Variants in UGT8 observed in about 807,000 individuals in gnomAD.
UGT8 encodes UDP glycosyltransferase 8, also known as 2-hydroxyacylsphingosine 1-beta-galactosyltransferase.
UGT8 carries 12 observed loss-of-function variants against 40.5 expected under a neutral mutation model. That is an observed-to-expected ratio of 0.30 (90% CI 0.19 to 0.48). UGT8 has a LOEUF of 0.48. Among genes scored for constraint, UGT8 ranks in the 20% least tolerant of loss-of-function variants. UGT8 has a pLI of 0.99. For synonymous variants in UGT8, 224 were observed against 240.4 expected (o/e 0.93, Z 0.63); for missense variants, 513 against 648.7 (o/e 0.79, Z 2.27).
intron 2 of UGT8, among the ~76,000 whole-genome samples, chr4:114,651,169 C>T (rs7679454): frequency 0.88 from 133,643 of 152,102 alleles, 60,484 homozygotes; most frequent in East Asian, 1. Context: ...TAGCTGTTAA[C>T]TTAGCGGGGA....
In UGT8 at chr4:114,623,376, G is replaced by A. The variant is rs773266808; in HGVS notation, c.496G>A (p.Ala166Thr). Residue 166 changes from alanine to threonine, a missense_variant, in exon 2 of 6, where the codon GCT becomes ACT. Ala to Thr is a moderately conservative substitution (Grantham distance 58). This residue lies in a region of UGT8 where 335 missense variants were observed against 444.8 expected (regional missense o/e 0.75). Transcript: ENST00000310836. ...ATTTTCAACTGGCCTTTGGTATCCT[G>A]CTGAAGTGGGTGCTCCTGCTCCATT... ...AVFSTGLWYPAEVGAPAPLAY... is the reference protein window; with the variant it reads ...AVFSTGLWYPTEVGAPAPLAY... 2.5e-6 allele frequency: 4 copies of A among 1,614,168 alleles called. No homozygotes were observed. The highest frequency in any genetic ancestry group is 2.5e-6 in the Non-Finnish European group (3 of 1,180,002).
chr4:114,663,719 T>C (rs1734689028), intron 2 of UGT8: 1 of 985,172 alleles, frequency 1.0e-6, no homozygotes. Flanking sequence ...TTTTTGACCT[T>C]TTTCTGAGAT....
At position 114,663,992 on chromosome 4, in the gene UGT8, C is replaced by T. The variant is rs1441282519; in HGVS notation, c.823-3C>T. 2 of 1,613,354 alleles carry T rather than the reference C, an allele frequency of 1.2e-6. No homozygotes were observed. The highest frequency in any genetic ancestry group is 2.2e-5 in the East Asian group (1 of 44,840). ...AAACTTACTGCCATGTTTTGATTTA[C>T]AGGATCTCCAAAGATGGGTAAATGG... On this transcript the variant is annotated splice_polypyrimidine_tract_variant and splice_region_variant and intron_variant, in intron 2 of 5. Coordinates refer to ENST00000310836, the MANE Select transcript of UGT8 (RefSeq NM_001128174.3).
intron 2 of UGT8, among the ~76,000 whole-genome samples, chr4:114,630,918 A>G (rs1732531469): frequency 6.6e-6 from 1 of 151,686 alleles, no homozygotes; most frequent in Non-Finnish European, 1.5e-5. Context: ...CATTCTCCTG[A>G]CTCTGTGATT....
intron 2 of UGT8, among the ~76,000 whole-genome samples, chr4:114,641,572 G>A (rs780511546): frequency 2.0e-5 from 3 of 152,068 alleles, no homozygotes; most frequent in Admixed American, 6.6e-5. Context: ...ATTCATATAC[G>A]TTTATCTGGC....
At chr4:114,622,563 A>T (rs985399580) in intron 1 of UGT8, 1 of 260,560 alleles carries the variant, frequency 3.8e-6, no homozygotes. Flanking sequence ...AACAGTGTAA[A>T]AGTGTTCCTA....
intron 1 of UGT8, among the ~76,000 whole-genome samples, chr4:114,614,840 C>CTTTTT (rs68162513): frequency 1.0e-5 from 1 of 98,532 alleles, no homozygotes; most frequent in African/African-American, 3.6e-5. Context: ...AGGTGCCAGA[C>CTTTTT]TTTTTTTTTT....
chr4:114,670,339 G>C (rs1464358368), intron 5 of UGT8, among the ~76,000 whole-genome samples: 1 of 140,936 alleles, frequency 7.1e-6, no homozygotes, highest in Non-Finnish European at 1.5e-5. Context: ...GCTGAGGCAG[G>C]AGAATGGCGT....
chr4:114,631,954 A>G (rs976556846), intron 2 of UGT8, among the ~76,000 whole-genome samples: 1 of 152,214 alleles, frequency 6.6e-6, no homozygotes, highest in Non-Finnish European at 1.5e-5. Context: ...TGAAACTAAG[A>G]TGATGCTGTT....
At chr4:114,613,625 G>A (rs950291754) in intron 1 of UGT8, among the ~76,000 whole-genome samples, 2 of 152,070 alleles carry the variant, frequency 1.3e-5, no homozygotes, top group Non-Finnish European at 2.9e-5. Flanking sequence ...TTCAGGTCTC[G>A]ATAGTTGGAT....
At chr4:114,665,442 A>T in intron 3 of UGT8, 3 of 985,360 alleles carry the variant, frequency 3.0e-6, no homozygotes, top group Non-Finnish European at 2.4e-6. Context: ...TGAGGAACCA[A>T]TGGAAAATAG....
intron 4 of UGT8, 66 bp from the exon 5 acceptor site, chr4:114,668,019 T>C: frequency 6.4e-7 from 1 of 1,563,766 alleles, no homozygotes. Context: ...TTTAATGAAT[T>C]TCTGGGAAAA....
chr4:114,604,489 C>T (rs1238088732), intron 1 of UGT8, among the ~76,000 whole-genome samples: 1 of 143,852 alleles, frequency 7.0e-6, no homozygotes, highest in Non-Finnish European at 1.5e-5. Context: ...ATTAAGACTA[C>T]TATGGTAATA....
chr4:114,608,845 T>G (rs1393268266), intron 1 of UGT8, among the ~76,000 whole-genome samples: 2 of 152,158 alleles, frequency 1.3e-5, no homozygotes, highest in Non-Finnish European at 2.9e-5. Context: ...GAAACCATAG[T>G]TGGAGAAAAT....
At chr4:114,610,944 A>G (rs1731002952) in intron 1 of UGT8, among the ~76,000 whole-genome samples, 1 of 152,174 alleles carries the variant, frequency 6.6e-6, no homozygotes, top group Non-Finnish European at 1.5e-5. Flanking sequence ...TTGTGATTCT[A>G]CAACATTACT....
At chr4:114,669,381 C>CATATATAT (rs5861189) in intron 5 of UGT8, among the ~76,000 whole-genome samples, 321 of 150,508 alleles carry the variant, frequency 2.1e-3, no homozygotes, top group Admixed American at 7.4e-3. Flanking sequence ...ATTTCATATA[C>CATATATAT]ATATATATAT....
intron 5 of UGT8, among the ~76,000 whole-genome samples, chr4:114,670,915 C>T (rs1735228413): frequency 6.6e-6 from 1 of 152,044 alleles, no homozygotes; most frequent in East Asian, 1.9e-4. Flanking sequence ...TTTAGAAAAC[C>T]GCATTGTCTC....
chr4:114,674,153 A>G (rs752939293), intron 5 of UGT8, among the ~76,000 whole-genome samples: 1 of 152,138 alleles, frequency 6.6e-6, no homozygotes, highest in Non-Finnish European at 1.5e-5. Context: ...ATCTGAGTAG[A>G]TTTTTCACTG....
intron 1 of UGT8, among the ~76,000 whole-genome samples, chr4:114,602,859 A>G (rs1449748291): frequency 6.6e-5 from 10 of 152,198 alleles, no homozygotes; most frequent in Non-Finnish European, 2.9e-5. Context: ...CATTCTCAGG[A>G]GTATGGACTA....
Sources: gnomAD v4.1 joint callset for allele counts (sites outside exome capture counted in the v4.1 genomes callset) on GRCh38, gnomAD v4.1.1 for gene constraint, gnomAD v4.1.1 regional missense constraint, MANE v1.5 for transcripts, NCBI Gene and HGNC (gene_info 2026-07-23, HGNC 2026-07-21) for gene names.